The following DMBT1 variants were observed in gnomAD, a reference collection of about 807,000 sequenced individuals.
DMBT1 encodes the protein deleted in malignant brain tumors 1.
Under a neutral mutation model 252.9 loss-of-function variants are expected in DMBT1, and 198 were observed. That is an observed-to-expected ratio of 0.78 (90% CI 0.70 to 0.88). The LOEUF (loss-of-function observed/expected upper bound fraction) is 0.88, where lower values mean the gene tolerates loss of function less well. Among genes scored for constraint, DMBT1 ranks in the 40% least tolerant of loss-of-function variants. The probability of loss-of-function intolerance (pLI) is 0.00; values close to 1 mark genes in which losing one functional copy is unlikely to be tolerated. For synonymous variants in DMBT1, 990 were observed against 942.7 expected (o/e 1.05, Z -0.92); for missense variants, 2,432 against 2,404.7 (o/e 1.01, Z -0.24).
At chr10:122,600,354 G>C (rs1235576059) in intron 27 of DMBT1, among the ~76,000 whole-genome samples, 1 of 152,044 alleles carries the variant, frequency 6.6e-6, no homozygotes, top group Non-Finnish European at 1.5e-5. Flanking sequence ...AACCCTTACA[G>C]GTTCAGGAAG....
At chr10:122,632,192 CT>C (rs2098170574) in intron 50 of DMBT1, among the ~76,000 whole-genome samples, 1 of 152,114 alleles carries the variant, frequency 6.6e-6, no homozygotes, top group African/African-American at 2.4e-5. Context: ...CGCAGAGCTC[CT>C]CCCTGCCTGC....
chr10:122,625,764 T>C (rs1565932102), intron 45 of DMBT1, among the ~76,000 whole-genome samples, 169 bp from the exon 46 acceptor site: 2 of 152,110 alleles, frequency 1.3e-5, no homozygotes, highest in South Asian at 4.1e-4. Context: ...TGTTGGGAGG[T>C]GCTACATACT....
chr10:122,592,896 C>G (rs1376007956), intron 20 of DMBT1, among the ~76,000 whole-genome samples: 1 of 148,456 alleles, frequency 6.7e-6, no homozygotes, highest in East Asian at 2.1e-4. Flanking sequence ...TTCTCCTCAG[C>G]TGAGTAGCAC....
intron 44 of DMBT1, among the ~76,000 whole-genome samples, chr10:122,624,553 C>T (rs555748193): frequency 2.6e-5 from 4 of 152,164 alleles, no homozygotes; most frequent in Non-Finnish European, 2.9e-5. Context: ...CTGGTTTGGC[C>T]CTGAGGCTGG....
intron 54 of DMBT1, among the ~76,000 whole-genome samples, chr10:122,637,711 T>C (rs138697601): frequency 1.7e-4 from 26 of 152,334 alleles, no homozygotes; most frequent in African/African-American, 5.8e-4. Flanking sequence ...ATCTATGAAC[T>C]TTTATAAACT....
chr10:122,592,862 A>C (rs540867102), intron 20 of DMBT1, among the ~76,000 whole-genome samples: 2 of 148,518 alleles, frequency 1.3e-5, no homozygotes, highest in African/African-American at 4.9e-5. Flanking sequence ...CGAAGAGAAA[A>C]CTGCTGGCTC....
At chr10:122,570,859 T>G in intron 3 of DMBT1, 31 bp from the exon 4 acceptor site, 1 of 1,609,318 alleles carries the variant, frequency 6.2e-7, no homozygotes, top group Non-Finnish European at 8.5e-7. Context: ...AGGGCTACCA[T>G]CAATGAGCTC....
At chr10:122,627,011 G>A (rs1301001944) in intron 46 of DMBT1, among the ~76,000 whole-genome samples, 4 of 152,186 alleles carry the variant, frequency 2.6e-5, no homozygotes, top group African/African-American at 9.7e-5. Flanking sequence ...AATCTGTCGG[G>A]TGAGGCCAGA....
intron 26 of DMBT1, among the ~76,000 whole-genome samples, chr10:122,599,672 G>A (rs370330584): frequency 3.9e-5 from 6 of 152,216 alleles, no homozygotes; most frequent in African/African-American, 1.2e-4. Flanking sequence ...TGTGGGGAGG[G>A]CAGCCCCCAT....
intron 2 of DMBT1, among the ~76,000 whole-genome samples, chr10:122,569,743 G>A (rs1177583648): frequency 6.6e-6 from 1 of 152,164 alleles, no homozygotes; most frequent in Admixed American, 6.5e-5. Flanking sequence ...GAAAAGGTTG[G>A]TATTCTTTCG....
At chr10:122,585,763 C>G (rs2097784175) in intron 15 of DMBT1, among the ~76,000 whole-genome samples, 5 of 148,546 alleles carry the variant, frequency 3.4e-5, no homozygotes, top group Admixed American at 2.7e-4. Flanking sequence ...AGAGTCTGGC[C>G]TGCCTACTGT....
chr10:122,578,767 A>G lies in DMBT1; in HGVS notation c.679+8A>G. 1.2e-6 allele frequency: 2 copies of G among 1,605,382 alleles called. No homozygotes were observed. Among genetic ancestry groups the G allele is most frequent in the Non-Finnish European group, 1.7e-6 (2 of 1,175,294 alleles). On this transcript the variant is annotated splice_region_variant and intron_variant, in intron 9 of 55. Transcript: ENST00000338354. ...CACCTGTACCCACAGAAGGTAAAGA[A>G]TCCTCTCAACACTCCCTGGGGCTCA...
chr10:122,600,404 G>A (rs548213342), intron 27 of DMBT1, among the ~76,000 whole-genome samples: 1 of 151,990 alleles, frequency 6.6e-6, no homozygotes, highest in Non-Finnish European at 1.5e-5. Flanking sequence ...TTTATATTCC[G>A]GACTCACATA....
chr10:122,640,087 C>G lies in DMBT1; in HGVS notation c.6990C>G (p.Val2330=). The part of the protein sequence containing the change: ...IDYSNFLTAA[V]SGGIIKRRTD... ...ATTCCAACTTCCTCACAGCAGCTGTCTCAGGTGGCATCATCAAGAGGAGGA... is the reference window on the plus strand; with the variant it reads ...ATTCCAACTTCCTCACAGCAGCTGTGTCAGGTGGCATCATCAAGAGGAGGA... Residue 2330 remains valine (V), a synonymous_variant, in exon 55 of 56, where the codon GTC becomes GTG. Coordinates refer to ENST00000338354, the MANE Select transcript of DMBT1 (RefSeq NM_001377530.1). 3 of 1,614,042 alleles carry G rather than the reference C, an allele frequency of 1.9e-6. No individual in the cohort carries two copies. Among genetic ancestry groups the G allele is most frequent in the Non-Finnish European group, 2.5e-6 (3 of 1,179,904 alleles).
rs560565181 is a variant in DMBT1 at position 122,630,577 on chromosome 10, A to G, written c.6025+87A>G. 1.9e-4 allele frequency: 264 copies of G among 1,388,792 alleles called. 1 individual carries two copies. The South Asian group carries it at 3.1e-3, about 16-fold the overall frequency. The allele number at this position is 1,388,792 out of a possible 1,614,324, so 86.0% of individuals were successfully genotyped here. A position where few individuals can be genotyped will look rare whatever the true frequency, so the allele number is the denominator to read the frequency against. ...GGCACCATGGTTCCCCAAGGAAATC[A>G]AAGAAGGGCCTCAGCGATGCACGGC... On this transcript the variant is annotated intron_variant, in intron 48 of 55. Transcript: ENST00000338354.
intron 4 of DMBT1, among the ~76,000 whole-genome samples, chr10:122,572,017 C>A (rs2097668578): frequency 6.6e-6 from 1 of 152,164 alleles, no homozygotes; most frequent in South Asian, 2.1e-4. Context: ...CATTTGACGT[C>A]CATTCTTGTG....
Position 122,598,449 on chromosome 10 carries a change from G to C in DMBT1, c.2957-325G>C, listed in dbSNP as rs571879379. On this transcript the variant is annotated intron_variant, in intron 25 of 55. Coordinates refer to ENST00000338354, the MANE Select transcript of DMBT1 (RefSeq NM_001377530.1). ...CATAGGATTGCCACCAAGCTCCTGA[G>C]ATGGGGAGAGTCTGGCCTGCCTACT... Among the ~76,000 whole-genome samples, 481 of 152,344 alleles carry C rather than the reference G, an allele frequency of 3.2e-3. 2 individuals carry two copies. The highest frequency in any genetic ancestry group is 0.011 in the African/African-American group (438 of 41,590).
rs2098160780 is a variant in DMBT1, at chr10:122,631,023, A to G, written c.6088A>G (p.Ile2030Val). 7 of 1,613,174 alleles carry G rather than the reference A, an allele frequency of 4.3e-6. No homozygotes were observed. Among genetic ancestry groups the G allele is most frequent in the African/African-American group, 1.3e-5 (1 of 74,858 alleles). The part of the protein sequence containing the change: ...SYGLCAGRVE[I>V]YHGGTWGTVC... ...TGGTCTATGTGCCGGGCGTGTAGAA[A>G]TTTACCATGGTGGCACCTGGGGGAC... Residue 2030 changes from isoleucine (I) to valine (V), a missense_variant, in exon 49 of 56, where the codon ATT (isoleucine) becomes GTT (valine). Physicochemically the swap from Ile to Val is conservative, Grantham distance 29 (BLOSUM62 3). This residue lies in a region of DMBT1 where 1,162 missense variants were observed against 1,169.0 expected (regional missense o/e 0.99). Transcript: ENST00000338354.
In DMBT1 at chr10:122,633,216, A is replaced by G. The variant is rs369857130; in HGVS notation, c.6423A>G (p.Leu2141=). 63 of 1,613,888 alleles carry G rather than the reference A, an allele frequency of 3.9e-5. No homozygotes were observed. The highest frequency in any genetic ancestry group is 4.7e-5 in the Non-Finnish European group (55 of 1,179,904). The change falls in exon 52 of 56, where the codon CTA becomes CTG. Residue 2141 remains leucine (L), a synonymous_variant. Coordinates refer to ENST00000338354, the MANE Select transcript of DMBT1 (RefSeq NM_001377530.1). The part of the protein sequence containing the change: ...PNTDYSCGGF[L]SQPSGDFSSP... ...CAGATTATTCCTGCGGAGGCTTCCT[A>G]TCCCAACCATCAGGGGACTTTTCCA...
Sources: gnomAD v4.1 joint callset for allele counts (sites outside exome capture counted in the v4.1 genomes callset) on GRCh38, gnomAD v4.1.1 for gene constraint, gnomAD v4.1.1 regional missense constraint, MANE v1.5 for transcripts, NCBI Gene and HGNC (gene_info 2026-07-23, HGNC 2026-07-21) for gene names.